The following CNTNAP2 variants were observed in gnomAD, a reference collection of about 807,000 sequenced individuals.
The protein encoded by CNTNAP2 is contactin-associated protein-like 2.
In CNTNAP2, 98 loss-of-function variants were observed where a neutral mutation model predicts 155.2. The ratio of observed to expected loss-of-function variants is 0.63; its 90% CI spans 0.54 to 0.75. CNTNAP2 has a LOEUF of 0.75. Ranked by LOEUF, CNTNAP2 falls within the 30% of genes least tolerant of loss-of-function variation. CNTNAP2 has a pLI of 0.00. For missense variants in CNTNAP2, 1,727 were observed against 1,688.1 expected, an observed-to-expected ratio of 1.02 and a Z score of -0.40; for synonymous variants, 651 against 631.2, an observed-to-expected ratio of 1.03 and a Z score of -0.47.
At chr7:147,601,642 AAAAT>A (rs1373702649) in intron 12 of CNTNAP2, among the ~76,000 whole-genome samples, 5 of 87,544 alleles carry the variant, frequency 5.7e-5, no homozygotes, top group African/African-American at 2.7e-4. Flanking sequence ...CTCTTAAAAA[AAAAT>A]ATATATATAT....
chr7:147,608,190 T>G (rs952577103), intron 12 of CNTNAP2, among the ~76,000 whole-genome samples: 3 of 141,410 alleles, frequency 2.1e-5, no homozygotes, highest in Admixed American at 1.5e-4. Context: ...AGAATAATTA[T>G]TATCTTACTG....
intron 13 of CNTNAP2, among the ~76,000 whole-genome samples, chr7:147,790,431 T>C (rs374245993): frequency 1.8e-4 from 27 of 152,322 alleles, no homozygotes; most frequent in Non-Finnish European, 3.4e-4. Context: ...AGTGATACAC[T>C]TCTTCCTATA....
intron 13 of CNTNAP2, among the ~76,000 whole-genome samples, chr7:147,688,787 T>C (rs1796050232): frequency 6.6e-6 from 1 of 152,130 alleles, no homozygotes; most frequent in African/African-American, 2.4e-5. Flanking sequence ...TACAAGAATT[T>C]TGTGAACAGC....
chr7:148,263,036 T>A (rs1796591328), intron 20 of CNTNAP2: 1 of 152,198 alleles, frequency 6.6e-6, no homozygotes, highest in African/African-American at 2.4e-5. Flanking sequence ...CAGCCCGCCT[T>A]CTTAGACACA....
chr7:146,781,240 A>C (rs1422579223), intron 2 of CNTNAP2, among the ~76,000 whole-genome samples: 2 of 149,866 alleles, frequency 1.3e-5, no homozygotes, highest in Non-Finnish European at 1.5e-5. Flanking sequence ...AAAAAAAAAA[A>C]CAAAAAAAAA....
intron 21 of CNTNAP2, among the ~76,000 whole-genome samples, chr7:148,365,811 T>C (rs369339595): frequency 0.073 from 6,096 of 83,302 alleles, 2,237 homozygotes; most frequent in African/African-American, 0.14. Context: ...TGTGTATGCA[T>C]GTATACATGC....
At chr7:146,130,659 T>C (rs1180642702) in intron 1 of CNTNAP2, among the ~76,000 whole-genome samples, 1 of 152,230 alleles carries the variant, frequency 6.6e-6, no homozygotes, top group Admixed American at 6.5e-5. Flanking sequence ...GTATTGTTTA[T>C]TGCTGTGTTA....
intron 13 of CNTNAP2, among the ~76,000 whole-genome samples, chr7:147,894,383 T>C (rs1799742041): frequency 6.6e-6 from 1 of 152,026 alleles, no homozygotes; most frequent in Non-Finnish European, 1.5e-5. Context: ...TTAGAAAAAA[T>C]CCTGCACTGC....
intron 14 of CNTNAP2, among the ~76,000 whole-genome samples, chr7:147,905,357 C>T (rs1799941691): frequency 6.6e-6 from 1 of 152,186 alleles, no homozygotes; most frequent in South Asian, 2.1e-4. Flanking sequence ...CTTGTCCCAC[C>T]ACAGAGGAGA....
At chr7:147,214,270 C>T (rs1176652153) in intron 8 of CNTNAP2, among the ~76,000 whole-genome samples, 2 of 151,956 alleles carry the variant, frequency 1.3e-5, no homozygotes, top group African/African-American at 4.8e-5. Context: ...AGCAAAACAC[C>T]ATACGGTGAG....
chr7:147,130,735 T>C (rs1452011837), intron 7 of CNTNAP2, among the ~76,000 whole-genome samples: 1 of 152,090 alleles, frequency 6.6e-6, no homozygotes, highest in Admixed American at 6.6e-5. Flanking sequence ...TTCTACCTCC[T>C]CTTCCCCCAC....
rs539822059 is a variant in CNTNAP2, at chr7:148,386,257, C to T, written c.3715+2369C>T. ...AGGACAGAAAACAGTTGACCGGGCTCGGTGGCTCACATCTGTAATCCCAGC... is the reference window on the plus strand; with the variant it reads ...AGGACAGAAAACAGTTGACCGGGCTTGGTGGCTCACATCTGTAATCCCAGC... On this transcript the variant is annotated intron_variant, in intron 22 of 23. Transcript: ENST00000361727. Among the ~76,000 whole-genome samples, 102 of 152,190 alleles carry T rather than the reference C, an allele frequency of 6.7e-4. 1 individual carries two copies. The highest frequency in any genetic ancestry group is 2.3e-3 in the African/African-American group (96 of 41,550).
At chr7:146,209,179 G>C (rs748775062) in intron 1 of CNTNAP2, among the ~76,000 whole-genome samples, 1 of 152,112 alleles carries the variant, frequency 6.6e-6, no homozygotes, top group Non-Finnish European at 1.5e-5. Flanking sequence ...TAAAATCCAA[G>C]TAGAAAAGAC....
Position 148,347,469 on chromosome 7 carries a change from T to C in CNTNAP2, c.3476-36180T>C, listed in dbSNP as rs76415631. On this transcript the variant is annotated intron_variant, in intron 21 of 23. Transcript: ENST00000361727. ...GTAAACACACGGTATTCCTACCATA[T>C]ATGCCCCCCATCGGTGTCACCTAAA... 7.7e-3 allele frequency among the ~76,000 whole-genome samples: 1,175 copies of C among 152,254 alleles called. 12 individuals carry two copies. The highest frequency in any genetic ancestry group is 0.026 in the African/African-American group (1,094 of 41,540).
chr7:148,416,746 A>C lies in CNTNAP2; in HGVS notation c.*1130A>C, dbSNP rs907053856. On this transcript the variant is annotated 3_prime_UTR_variant, in exon 24 of 24. Transcript: ENST00000361727. ...AACACTGCCATATTTTAAATCAACT[A>C]CTCCACGTGTTTTTCCATCCAATCA... 2.6e-5 allele frequency: 4 copies of C among 152,410 alleles called. No individual in the cohort carries two copies. The highest frequency in any genetic ancestry group is 1.3e-4 in the Admixed American group (2 of 15,254). The allele number at this position is 152,410 out of a possible 1,614,324, so 9.4% of individuals were successfully genotyped here. A position where few individuals can be genotyped will look rare whatever the true frequency, so the allele number is the denominator to read the frequency against.
intron 3 of CNTNAP2, among the ~76,000 whole-genome samples, chr7:146,985,467 G>A (rs1296831893): frequency 6.6e-6 from 1 of 150,644 alleles, no homozygotes; most frequent in East Asian, 1.9e-4. Flanking sequence ...ACAGGCGCCT[G>A]CCACCATGCC....
Position 148,365,668 on chromosome 7 carries a change from T to A in CNTNAP2, c.3476-17981T>A, listed in dbSNP as rs185105709. On this transcript the variant is annotated intron_variant, in intron 21 of 23. Coordinates refer to ENST00000361727, the MANE Select transcript of CNTNAP2 (RefSeq NM_014141.6). The stretch of plus-strand genomic sequence containing the variant: ...CAAAAGAGTGAGACTCCATCTCATA[T>A]ATACTTGAGATGTATATATATGTAT... Among the ~76,000 whole-genome samples, 276 of 143,670 alleles carry A rather than the reference T, an allele frequency of 1.9e-3. 5 individuals are homozygous for A. The highest frequency in any genetic ancestry group is 3.8e-3 in the Middle Eastern group (1 of 266). The allele number at this position is 143,670 out of a possible 152,430, so 94.3% of individuals were successfully genotyped here.
intron 1 of CNTNAP2, among the ~76,000 whole-genome samples, chr7:146,281,791 CT>C (rs1800255978): frequency 7.0e-6 from 1 of 143,246 alleles, no homozygotes. Context: ...GAGATTCCAT[CT>C]AAAAAAAAAA....
chr7:147,402,305 G>T (rs1414479570), intron 10 of CNTNAP2, among the ~76,000 whole-genome samples: 3 of 152,148 alleles, frequency 2.0e-5, no homozygotes, highest in Non-Finnish European at 4.4e-5. Context: ...GCTCCACCAA[G>T]GTTCCCTCTG....
Sources: allele counts gnomAD v4.1 joint callset (sites outside exome capture counted in the v4.1 genomes callset), GRCh38; gene constraint gnomAD v4.1.1; transcripts MANE v1.5; gene names NCBI Gene and HGNC (gene_info 2026-07-23, HGNC 2026-07-21).